The following PPP1R21 variants were observed in gnomAD, a reference collection of about 807,000 sequenced individuals.
The protein encoded by PPP1R21 is protein phosphatase 1 regulatory subunit 21.
PPP1R21 carries 85 observed loss-of-function variants against 112.8 expected under a neutral mutation model. That is an observed-to-expected ratio of 0.75 (90% CI 0.63 to 0.90). The LOEUF is 0.90. PPP1R21 is among the 40% of genes least tolerant of loss of function. The pLI, the probability that PPP1R21 is intolerant of heterozygous loss-of-function variation, is 0.00. For missense variants in PPP1R21, 1,199 were observed against 901.5 expected, an observed-to-expected ratio of 1.33 and a Z score of -4.23; for synonymous variants, 381 against 322.3, an observed-to-expected ratio of 1.18 and a Z score of -1.95.
intron 17 of PPP1R21, among the ~76,000 whole-genome samples, chr2:48,502,641 T>A (rs1043057342): frequency 6.6e-6 from 1 of 151,824 alleles, no homozygotes; most frequent in Non-Finnish European, 1.5e-5. Flanking sequence ...TCAGTCACTT[T>A]GAGGCAGAAA....
intron 1 of PPP1R21, among the ~76,000 whole-genome samples, chr2:48,448,045 T>C (rs1258914944): frequency 6.6e-6 from 1 of 151,856 alleles, no homozygotes; most frequent in African/African-American, 2.4e-5. Flanking sequence ...AGTAATGCAG[T>C]AAGAGTGGCA....
chr2:48,506,297 T>C (rs1558524981), intron 18 of PPP1R21, among the ~76,000 whole-genome samples: 2 of 152,182 alleles, frequency 1.3e-5, no homozygotes, highest in Non-Finnish European at 2.9e-5. Context: ...TTTCGCCATG[T>C]TGGCCAGGCT....
Position 48,461,259 on chromosome 2 carries a change from A to G in PPP1R21, c.694+27A>G, listed in dbSNP as rs1667964238. On this transcript the variant is annotated intron_variant, in intron 7 of 21. Transcript: ENST00000294952. ...TAGGTATTATGTACAGTTTTCCATT[A>G]TTTGTAACTTTGAATCTCTCTGTGG... 4.0e-6 allele frequency: 6 copies of G among 1,503,068 alleles called. No individual in the cohort carries two copies. In the Admixed American group the frequency reaches 8.0e-5, roughly 20 times the overall value. The allele number at this position is 1,503,068 out of a possible 1,614,324, so 93.1% of individuals were successfully genotyped here.
At chr2:48,482,269 G>A (rs1302614611) in intron 13 of PPP1R21, among the ~76,000 whole-genome samples, 1 of 152,208 alleles carries the variant, frequency 6.6e-6, no homozygotes. Flanking sequence ...AAATGTTAAA[G>A]GAGCTGAGAA....
intron 9 of PPP1R21, 87 bp downstream of exon 9, chr2:48,465,729 A>C (rs1668172437): frequency 5.1e-6 from 6 of 1,175,620 alleles, no homozygotes; most frequent in Non-Finnish European, 7.1e-6. Context: ...TGCACCATCC[A>C]AGTACTGCAA....
At chr2:48,475,090 C>T (rs1668690337) in intron 12 of PPP1R21, among the ~76,000 whole-genome samples, 1 of 152,166 alleles carries the variant, frequency 6.6e-6, no homozygotes, top group East Asian at 1.9e-4. Context: ...GGGTGACTCA[C>T]ACCTGTCATC....
chr2:48,506,333 A>AT (rs1221715070), intron 18 of PPP1R21, among the ~76,000 whole-genome samples: 1 of 152,112 alleles, frequency 6.6e-6, no homozygotes, highest in Non-Finnish European at 1.5e-5. Context: ...AGTTCAGGTG[A>AT]TCCATCTGCC....
In PPP1R21 at chr2:48,465,833, T is replaced by C. The variant is rs549096735; in HGVS notation, c.897+191T>C. Among the ~76,000 whole-genome samples the C allele has an allele frequency of 7.4e-4, 112 of 152,334 alleles. 1 individual carries two copies. The highest frequency in any genetic ancestry group is 2.4e-3 in the African/African-American group (101 of 41,568). On this transcript the variant is annotated intron_variant, in intron 9 of 21. Coordinates refer to ENST00000294952, the MANE Select transcript of PPP1R21 (RefSeq NM_001135629.3). Reference sequence around the variant, plus strand: ...CTTAAGAAATTAAATTCTAGGGAAGTGTATTAGTCTGTTTTCACACTGCTG... The same window carrying C: ...CTTAAGAAATTAAATTCTAGGGAAGCGTATTAGTCTGTTTTCACACTGCTG...
At chr2:48,465,739 A>C (rs566436876) in intron 9 of PPP1R21, 97 bp downstream of exon 9, 2 of 1,062,150 alleles carry the variant, frequency 1.9e-6, no homozygotes, top group East Asian at 5.3e-5. Context: ...AAGTACTGCA[A>C]AGGACATGGA....
intron 1 of PPP1R21, among the ~76,000 whole-genome samples, chr2:48,445,027 C>T (rs1233870559): frequency 2.0e-5 from 3 of 151,854 alleles, no homozygotes; most frequent in Non-Finnish European, 2.9e-5. Flanking sequence ...CAGTTTTGAT[C>T]CAGCATGTTT....
At chr2:48,509,198 C>T (rs1670521187) in intron 19 of PPP1R21, among the ~76,000 whole-genome samples, 2 of 152,096 alleles carry the variant, frequency 1.3e-5, no homozygotes, top group Non-Finnish European at 2.9e-5. Context: ...ATCTTGTGCT[C>T]ATTTTTTCCC....
At chr2:48,511,074 G>T (rs543098775) in intron 20 of PPP1R21, among the ~76,000 whole-genome samples, 12 of 152,036 alleles carry the variant, frequency 7.9e-5, no homozygotes, top group African/African-American at 2.9e-4. Flanking sequence ...TACATGTTTG[G>T]GGGGGACATG....
At chr2:48,494,489 C>T (rs1380436027) in intron 15 of PPP1R21, among the ~76,000 whole-genome samples, 3 of 151,616 alleles carry the variant, frequency 2.0e-5, no homozygotes, top group African/African-American at 4.9e-5. Context: ...TGCAATGGCG[C>T]GATCTCGGCT....
chr2:48,464,821 T>C, intron 7 of PPP1R21, 116 bp from the exon 8 acceptor site: 1 of 680,840 alleles, frequency 1.5e-6, no homozygotes. Flanking sequence ...TTGTTGATCA[T>C]TTTAAATTCT....
At chr2:48,470,498 G>C (rs899837795) in intron 9 of PPP1R21, among the ~76,000 whole-genome samples, 5 of 150,104 alleles carry the variant, frequency 3.3e-5, no homozygotes, top group Admixed American at 6.6e-5. Context: ...CCAGCTTGGG[G>C]GACAGAGTGA....
At chr2:48,494,950 A>G (rs1225756193) in intron 15 of PPP1R21, among the ~76,000 whole-genome samples, 2 of 152,078 alleles carry the variant, frequency 1.3e-5, no homozygotes, top group Non-Finnish European at 2.9e-5. Flanking sequence ...CAAGCAATCC[A>G]TCACCTCGGT....
rs1409924892 is a variant in PPP1R21 at position 48,510,121 on chromosome 2, A to T, written c.2184+8A>T. Reference sequence around the variant, plus strand: ...AACATCAGCAGACTTCAGGTGAGTTAAGTGTTACCTGAATGGTTTTAATGT... The same window carrying T: ...AACATCAGCAGACTTCAGGTGAGTTTAGTGTTACCTGAATGGTTTTAATGT... On this transcript the variant is annotated splice_region_variant and intron_variant, in intron 20 of 21. Transcript: ENST00000294952. 1 of 1,595,622 alleles carries T rather than the reference A, an allele frequency of 6.3e-7. No homozygotes were observed. The highest frequency in any genetic ancestry group is 1.7e-5 in the Admixed American group (1 of 58,508).
intron 21 of PPP1R21, among the ~76,000 whole-genome samples, chr2:48,512,342 A>T (rs1365779285): frequency 6.6e-6 from 1 of 152,064 alleles, no homozygotes; most frequent in African/African-American, 2.4e-5. Flanking sequence ...AAACTTTGGG[A>T]GGCCAGGGGC....
intron 11 of PPP1R21, 69 bp from the exon 12 acceptor site, chr2:48,474,614 G>A: frequency 7.2e-7 from 1 of 1,379,476 alleles, no homozygotes; most frequent in Non-Finnish European, 1.0e-6. Flanking sequence ...TTGAGAACTT[G>A]GTTGGCTGCT....
Sources: allele counts gnomAD v4.1 joint callset (sites outside exome capture counted in the v4.1 genomes callset), GRCh38; gene constraint gnomAD v4.1.1; transcripts MANE v1.5; gene names NCBI Gene and HGNC (gene_info 2026-07-23, HGNC 2026-07-21).